Variants in ZBBX observed in about 807,000 individuals in gnomAD.
ZBBX encodes the protein zinc finger B-box domain-containing protein 1.
A neutral mutation model predicts 108.5 loss-of-function variants in ZBBX; 101 were observed. That is an observed-to-expected ratio of 0.93 (90% CI 0.79 to 1.10). ZBBX has a LOEUF of 1.10. Ranked by LOEUF, ZBBX falls within the 50% of genes least tolerant of loss-of-function variation. ZBBX has a pLI of 0.00. For synonymous variants in ZBBX, 356 were observed against 323.4 expected, an observed-to-expected ratio of 1.10 and a Z score of -1.08; for missense variants, 1,009 against 941.4, an observed-to-expected ratio of 1.07 and a Z score of -0.94.
chr3:167,192,742 T>C, the ZBBX span, among the ~76,000 whole-genome samples: 48 of 152,338 alleles, frequency 3.2e-4, no homozygotes, highest in Middle Eastern at 0.024. Flanking sequence ...CCTGATCTTT[T>C]CTGCTGTTAA....
intron 16 of ZBBX, among the ~76,000 whole-genome samples, chr3:167,309,812 G>T (rs1392521902): frequency 6.6e-6 from 1 of 152,168 alleles, no homozygotes; most frequent in Non-Finnish European, 1.5e-5. Context: ...ATCAATAGTT[G>T]GTTCCTCTTT....
the ZBBX span, among the ~76,000 whole-genome samples, chr3:167,209,861 G>A: frequency 4.6e-5 from 7 of 152,230 alleles, no homozygotes; most frequent in South Asian, 2.1e-4. Context: ...AGGCCAAGGC[G>A]GGTGGATCAC....
chr3:167,398,023 G>A (rs982950957), intron 1 of ZBBX, among the ~76,000 whole-genome samples: 2 of 151,818 alleles, frequency 1.3e-5, no homozygotes, highest in African/African-American at 2.4e-5. Context: ...CACACAGTTG[G>A]TAGTGTGCCC....
chr3:167,215,532 T>A, the ZBBX span, among the ~76,000 whole-genome samples: 1 of 151,956 alleles, frequency 6.6e-6, no homozygotes, highest in Admixed American at 6.6e-5. Context: ...GGATTCACAC[T>A]CAAATTCTAC....
upstream of ZBBX, among the ~76,000 whole-genome samples, chr3:167,380,770 G>T (rs934185335): frequency 6.6e-6 from 1 of 151,782 alleles, no homozygotes; most frequent in Admixed American, 6.6e-5. Flanking sequence ...AGAGATTCCA[G>T]GTCTCTTCAA....
chr3:167,230,463 G>A, the ZBBX span, among the ~76,000 whole-genome samples: 3 of 151,950 alleles, frequency 2.0e-5, no homozygotes, highest in East Asian at 5.8e-4. Flanking sequence ...GAAGATGCAA[G>A]AAGAGAGAGT....
At chr3:167,260,313 G>C (rs949082633) in intron 20 of ZBBX, among the ~76,000 whole-genome samples, 2 of 152,108 alleles carry the variant, frequency 1.3e-5, no homozygotes, top group African/African-American at 4.8e-5. Context: ...ATGTACCTAG[G>C]TGAAGATCTT....
chr3:167,294,469 G>T (rs1560084189), intron 18 of ZBBX, among the ~76,000 whole-genome samples: 1 of 152,178 alleles, frequency 6.6e-6, no homozygotes, highest in Admixed American at 6.5e-5. Flanking sequence ...TTAATAAATG[G>T]TGTTGGGAAA....
chr3:167,316,886 C>G (rs1735548515), intron 14 of ZBBX, 119 bp downstream of exon 14: 1 of 525,900 alleles, frequency 1.9e-6, no homozygotes, highest in Non-Finnish European at 3.2e-6. Flanking sequence ...TTGTAAATTT[C>G]CTATTAAACT....
At chr3:167,267,511 T>G (rs1051306140) in intron 20 of ZBBX, among the ~76,000 whole-genome samples, 1 of 152,176 alleles carries the variant, frequency 6.6e-6, no homozygotes, top group African/African-American at 2.4e-5. Flanking sequence ...CTAGGTCTCA[T>G]GTTAAAATAT....
At chr3:167,361,896 C>A (rs1034357553) in intron 6 of ZBBX, among the ~76,000 whole-genome samples, 1 of 152,038 alleles carries the variant, frequency 6.6e-6, no homozygotes, top group Non-Finnish European at 1.5e-5. Context: ...GCAAAATGAA[C>A]CCATTATTAG....
At chr3:167,346,823 T>C (rs1464171533) in intron 9 of ZBBX, among the ~76,000 whole-genome samples, 1 of 151,414 alleles carries the variant, frequency 6.6e-6, no homozygotes, top group Non-Finnish European at 1.5e-5. Flanking sequence ...AGGAAAATGA[T>C]AAAAACAATA....
At chr3:167,293,335 A>G (rs1731050285) in intron 18 of ZBBX, among the ~76,000 whole-genome samples, 1 of 152,222 alleles carries the variant, frequency 6.6e-6, no homozygotes, top group African/African-American at 2.4e-5. Flanking sequence ...TAGCACATCA[A>G]AAAGTTTATC....
chr3:167,370,866 A>T (rs1040508096), intron 4 of ZBBX, among the ~76,000 whole-genome samples: 2 of 152,240 alleles, frequency 1.3e-5, no homozygotes, highest in African/African-American at 4.8e-5. Flanking sequence ...TATTTTAAAT[A>T]TTATGCATCA....
intron 6 of ZBBX, among the ~76,000 whole-genome samples, chr3:167,364,060 T>C (rs1317918731): frequency 3.3e-5 from 5 of 152,092 alleles, no homozygotes; most frequent in Middle Eastern, 3.4e-3. Flanking sequence ...TATAATCTAA[T>C]ACAGAGTTTC....
At chr3:167,287,792 A>G (rs1729955499) in intron 19 of ZBBX, among the ~76,000 whole-genome samples, 1 of 152,118 alleles carries the variant, frequency 6.6e-6, no homozygotes, top group African/African-American at 2.4e-5. Context: ...ATAGGCATCT[A>G]AGTATAGAGC....
chr3:167,191,922 T>TAGAGAGAGAGAGAGAG, the ZBBX span, among the ~76,000 whole-genome samples: 2 of 123,986 alleles, frequency 1.6e-5, no homozygotes, highest in African/African-American at 6.5e-5. Context: ...TATATATATA[T>TAGAGAGAGAGAGAGAG]ATATATATAT....
At chr3:167,254,757 T>C (rs1425620367) in intron 20 of ZBBX, among the ~76,000 whole-genome samples, 1 of 152,050 alleles carries the variant, frequency 6.6e-6, no homozygotes, top group Non-Finnish European at 1.5e-5. Flanking sequence ...GAGAACCCTG[T>C]GTTTAAAAAA....
chr3:167,178,613 A>G, the ZBBX span, among the ~76,000 whole-genome samples: 8 of 152,160 alleles, frequency 5.3e-5, no homozygotes, highest in Non-Finnish European at 8.8e-5. Flanking sequence ...ATAAGGATTC[A>G]GATGTCTCAA....
Sources: allele counts gnomAD v4.1 joint callset (sites outside exome capture counted in the v4.1 genomes callset), GRCh38; gene constraint gnomAD v4.1.1; transcripts MANE v1.5; gene names NCBI Gene and HGNC (gene_info 2026-07-23, HGNC 2026-07-21).